The following PPP1R12B variants were observed in gnomAD, a reference collection of about 807,000 sequenced individuals.
PPP1R12B encodes the protein protein phosphatase 1 regulatory subunit 12B, also known as myosin phosphatase target subunit 2.
Under a neutral mutation model 126.1 loss-of-function variants are expected in PPP1R12B, and 76 were observed. That is an observed-to-expected ratio of 0.60 (90% CI 0.50 to 0.73). The LOEUF is 0.73. Among genes scored for constraint, PPP1R12B ranks in the 30% least tolerant of loss-of-function variants. The pLI is 0.00. For synonymous variants in PPP1R12B, 356 were observed against 434.7 expected (o/e 0.82, Z 2.25); for missense variants, 1,052 against 1,205.1 (o/e 0.87, Z 1.88).
chr1:202,360,468 G>A (rs1170644393), intron 1 of PPP1R12B, among the ~76,000 whole-genome samples: 2 of 152,096 alleles, frequency 1.3e-5, no homozygotes, highest in Admixed American at 6.6e-5. Context: ...CAGCACTTTG[G>A]GAGGCCGAGG....
intron 18 of PPP1R12B, among the ~76,000 whole-genome samples, chr1:202,548,808 C>CTCTATATA (rs1218548068): frequency 5.1e-4 from 37 of 72,988 alleles, no homozygotes; most frequent in Admixed American, 1.2e-3. Context: ...CTCTCTCTCT[C>CTCTATATA]TATATATATA....
rs372106384 is a variant in PPP1R12B at position 202,447,002 on chromosome 1, A to C, written c.1668-1987A>C. 3.9e-5 allele frequency among the ~76,000 whole-genome samples: 6 copies of C among 152,302 alleles called. No individual in the cohort carries two copies. In the East Asian group the frequency reaches 9.6e-4, roughly 24 times the overall value. ...GAAAGAAGGAAGCAGACAAAGAAAA[A>C]ATGCTTCTGAACTGAGAATTTTCCC... On this transcript the variant is annotated intron_variant, in intron 12 of 23. Transcript: ENST00000608999.
intron 1 of PPP1R12B, among the ~76,000 whole-genome samples, chr1:202,402,456 A>G (rs1443516775): frequency 1.3e-5 from 2 of 152,172 alleles, no homozygotes; most frequent in African/African-American, 2.4e-5. Context: ...GTTTTGTTGT[A>G]TCATTATGCT....
chr1:202,459,268 A>T (rs1674014408), intron 13 of PPP1R12B, among the ~76,000 whole-genome samples: 2 of 152,120 alleles, frequency 1.3e-5, no homozygotes, highest in Admixed American at 1.3e-4. Flanking sequence ...TGTATTTTCC[A>T]AAGTTCCAGA....
rs532296367 is a variant in PPP1R12B, at chr1:202,438,869, T to C, written c.1458+845T>C. The C allele has an allele frequency of 1.0e-4, 133 of 1,288,732 alleles. No homozygotes were observed. In the African/African-American group the frequency reaches 1.5e-3, roughly 14 times the overall value. 79.8% of individuals were successfully genotyped at this position (1,288,732 alleles called of 1,614,324 possible). On this transcript the variant is annotated intron_variant, in intron 10 of 23. Transcript: ENST00000608999. ...TCACTGCTGACTCCATCTACTGCTA[T>C]AGCCCCCAGGGCAGGAGCCCATACA...
intron 1 of PPP1R12B, among the ~76,000 whole-genome samples, chr1:202,384,836 A>C (rs915123475): frequency 3.9e-5 from 6 of 152,196 alleles, no homozygotes; most frequent in Non-Finnish European, 8.8e-5. Context: ...GAAAGATTAA[A>C]CATTTGTGCA....
At chr1:202,380,014 A>C (rs1661968723) in intron 1 of PPP1R12B, among the ~76,000 whole-genome samples, 1 of 152,186 alleles carries the variant, frequency 6.6e-6, no homozygotes, top group Non-Finnish European at 1.5e-5. Context: ...AAATGCTTTC[A>C]ACCTGTCTTA....
intron 1 of PPP1R12B, among the ~76,000 whole-genome samples, chr1:202,381,007 C>T (rs1322437042): frequency 6.6e-6 from 1 of 152,192 alleles, no homozygotes; most frequent in Non-Finnish European, 1.5e-5. Context: ...TTCATAGATG[C>T]TCTCTCTTAT....
rs878923931 is a variant in PPP1R12B at position 202,439,364 on chromosome 1, A to G, written c.1458+1340A>G. 136 of 1,313,550 alleles carry G rather than the reference A, an allele frequency of 1.0e-4. No individual in the cohort carries two copies. The African/African-American group carries it at 1.5e-3, about 15-fold the overall frequency. The allele number at this position is 1,313,550 out of a possible 1,614,324, so 81.4% of individuals were successfully genotyped here. A position where few individuals can be genotyped will look rare whatever the true frequency, so the allele number is the denominator to read the frequency against. On this transcript the variant is annotated intron_variant, in intron 10 of 23. Coordinates refer to ENST00000608999, the MANE Select transcript of PPP1R12B (RefSeq NM_002481.4). ...CTTCCAACAAGACGATCCACGCAGA[A>G]CTCTTGAAGCTGGTGAAGAAGCACG...
rs1269926745 is a variant in PPP1R12B at position 202,565,914 on chromosome 1, T to C, written c.2757+1367T>C. Among the ~76,000 whole-genome samples the C allele has an allele frequency of 6.7e-6, 1 of 149,366 alleles. No individual in the cohort carries two copies. The highest frequency in any genetic ancestry group is 6.7e-5 in the Admixed American group (1 of 14,992). The stretch of plus-strand genomic sequence containing the variant: ...TGAGCCAGGCAAAAAAAAAAAAAAG[T>C]CTCATTCACAGTAGACCCTCAAAAG... On this transcript the variant is annotated intron_variant, in intron 21 of 23. Transcript: ENST00000608999. This position sits in a 1 kb window ranked among gnomAD's most constrained non-coding sequence, Gnocchi z 4.3.
chr1:202,567,839 C>A lies in PPP1R12B; in HGVS notation c.2811+8C>A. 6.2e-7 allele frequency: 1 copy of A among 1,613,686 alleles called. No homozygotes were observed. Among genetic ancestry groups the A allele is most frequent in the Non-Finnish European group, 8.5e-7 (1 of 1,179,628 alleles). On this transcript the variant is annotated splice_region_variant and intron_variant, in intron 22 of 23. Coordinates refer to ENST00000608999, the MANE Select transcript of PPP1R12B (RefSeq NM_002481.4). ...CTGGAGATGGAGAAACGGGTATGCG[C>A]ATGTCTGTTTCCCCCTCCACCCCAT...
intron 13 of PPP1R12B, chr1:202,472,142 C>A: frequency 1.6e-6 from 2 of 1,251,642 alleles, no homozygotes; most frequent in Non-Finnish European, 2.2e-6. Context: ...AGGTCATCAC[C>A]GCCGGAAAAC....
chr1:202,446,254 A>ATTTT (rs879273755), intron 12 of PPP1R12B, among the ~76,000 whole-genome samples: 2,609 of 46,980 alleles, frequency 0.056, 109 homozygotes, highest in African/African-American at 0.12. Flanking sequence ...ATATATATAT[A>ATTTT]TATTTTTTTT....
At chr1:202,358,180 A>C (rs768136855) in intron 1 of PPP1R12B, among the ~76,000 whole-genome samples, 1 of 152,138 alleles carries the variant, frequency 6.6e-6, no homozygotes, top group Non-Finnish European at 1.5e-5. Context: ...TTGAAGCCTC[A>C]TTTGGATTGC....
At chr1:202,363,196 T>G (rs906453399) in intron 1 of PPP1R12B, among the ~76,000 whole-genome samples, 1 of 152,220 alleles carries the variant, frequency 6.6e-6, no homozygotes, top group African/African-American at 2.4e-5. Flanking sequence ...ACATTTGTAT[T>G]GAGCACTTCC....
At chr1:202,445,340 C>G in intron 12 of PPP1R12B, 1 of 926,726 alleles carries the variant, frequency 1.1e-6, no homozygotes, top group Non-Finnish European at 1.4e-6. Flanking sequence ...AGTTAGAACT[C>G]CTGAGAAAAT....
Position 202,473,392 on chromosome 1 carries a change from C to CT in PPP1R12B, c.1851-15135dup, listed in dbSNP as rs1176940588. Among the ~76,000 whole-genome samples, 3 of 152,134 alleles carry CT rather than the reference C, an allele frequency of 2.0e-5. No homozygotes were observed. The South Asian group carries it at 6.2e-4, about 31-fold the overall frequency. ...CTGCATTTCTGTGTGTCAGGTGTTC[C>CT]TTTTTTATCTGTCTCTTCACAGCTG... On this transcript the variant is annotated intron_variant, in intron 13 of 23. Transcript: ENST00000608999.
chr1:202,486,303 A>T (rs1678114755), intron 13 of PPP1R12B, among the ~76,000 whole-genome samples: 1 of 152,138 alleles, frequency 6.6e-6, no homozygotes, highest in South Asian at 2.1e-4. Flanking sequence ...AATTTTAAAA[A>T]ATATTAAAGG....
chr1:202,564,583 A>G, intron 21 of PPP1R12B, 36 bp downstream of exon 21: 13 of 1,542,306 alleles, frequency 8.4e-6, no homozygotes, highest in Non-Finnish European at 9.8e-6. Flanking sequence ...ATGAGAACCA[A>G]GGGTTGATGT....
Sources: gnomAD v4.1 joint callset for allele counts (sites outside exome capture counted in the v4.1 genomes callset) on GRCh38, gnomAD v4.1.1 for gene constraint, Gnocchi (gnomAD v3.1) non-coding constraint, MANE v1.5 for transcripts, NCBI Gene and HGNC (gene_info 2026-07-23, HGNC 2026-07-21) for gene names.